The following MIB1 variants were observed in gnomAD, a reference collection of about 807,000 sequenced individuals.
MIB1 encodes the protein E3 ubiquitin-protein ligase MIB1.
A neutral mutation model predicts 124.5 loss-of-function variants in MIB1; 278 were observed. The ratio of observed to expected loss-of-function variants is 2.23; its 90% CI spans 2.02 to 2.47. The LOEUF (loss-of-function observed/expected upper bound fraction) is 2.47. Ranked by LOEUF, MIB1 falls within the 30% of genes most tolerant of loss-of-function variation. The pLI, the probability that MIB1 is intolerant of heterozygous loss-of-function variation, is 0.00. For synonymous variants in MIB1, 446 were observed against 429.4 expected (o/e 1.04, Z -0.48); for missense variants, 957 against 1,254.4 (o/e 0.76, Z 3.58).
intron 12 of MIB1, chr18:21,825,448 T>C (rs2041915993): frequency 3.3e-6 from 1 of 301,620 alleles, no homozygotes; most frequent in African/African-American, 2.3e-5. Context: ...GTTCTTTTCT[T>C]TTCTGAAGGA....
At chr18:21,779,310 T>A (rs1267601309) in intron 5 of MIB1, among the ~76,000 whole-genome samples, 171 bp from the exon 6 acceptor site, 4 of 152,144 alleles carry the variant, frequency 2.6e-5, no homozygotes, top group Admixed American at 1.3e-4. Context: ...TTTCTTTTTT[T>A]AAAAAAAGCT....
intron 14 of MIB1, 47 bp downstream of exon 14, chr18:21,843,264 AC>A (rs779103301): frequency 2.2e-6 from 3 of 1,355,870 alleles, no homozygotes; most frequent in Admixed American, 2.4e-5. Flanking sequence ...TTTTAACCAT[AC>A]AGATTTTTAG....
chr18:21,802,236 AC>A (rs779397155), intron 9 of MIB1, among the ~76,000 whole-genome samples: 34 of 152,280 alleles, frequency 2.2e-4, no homozygotes, highest in Admixed American at 1.8e-3. Context: ...ACAATGATGC[AC>A]CTTGATGTGG....
Position 21,779,644 on chromosome 18 carries a change from T to C in MIB1, c.867T>C (p.Asp289=). The change falls in exon 6 of 21, where the codon GAT becomes GAC. Residue 289 remains aspartate (D), a synonymous_variant. Coordinates refer to ENST00000261537, the MANE Select transcript of MIB1 (RefSeq NM_020774.4). ...LTTTGTVCGI[D]EDHDIVVQYP... ...CAACTGGAACTGTTTGTGGCATTGATGAAGATCATGACATTGTAGTACAGT... is the reference window on the plus strand; with the variant it reads ...CAACTGGAACTGTTTGTGGCATTGACGAAGATCATGACATTGTAGTACAGT... 1.2e-6 allele frequency: 2 copies of C among 1,614,130 alleles called. No individual in the cohort carries two copies. Among genetic ancestry groups the C allele is most frequent in the East Asian group, 4.5e-5 (2 of 44,880 alleles).
chr18:21,708,450 T>G (rs1443466212), intron 1 of MIB1, among the ~76,000 whole-genome samples: 1 of 152,106 alleles, frequency 6.6e-6, no homozygotes, highest in Non-Finnish European at 1.5e-5. Context: ...GGTCAGGAGT[T>G]CGAGACCAGC....
chr18:21,843,637 A>G (rs903579341), intron 14 of MIB1, among the ~76,000 whole-genome samples: 3 of 152,216 alleles, frequency 2.0e-5, no homozygotes. Context: ...GGCTTTCTTC[A>G]TGACCATACA....
At chr18:21,752,873 TGAG>T (rs1446596704) in intron 1 of MIB1, among the ~76,000 whole-genome samples, 1 of 152,234 alleles carries the variant, frequency 6.6e-6, no homozygotes, top group East Asian at 1.9e-4. Flanking sequence ...AAATAATAAT[TGAG>T]GAATTAAAAG....
chr18:21,836,223 A>G (rs2042030271), intron 12 of MIB1, among the ~76,000 whole-genome samples: 1 of 151,780 alleles, frequency 6.6e-6, no homozygotes, highest in Admixed American at 6.6e-5. Flanking sequence ...CACTAACTGC[A>G]CGCTAGCCTG....
chr18:21,757,668 T>C (rs1251861007), intron 1 of MIB1, among the ~76,000 whole-genome samples: 14 of 150,732 alleles, frequency 9.3e-5, no homozygotes, highest in Admixed American at 9.2e-4. Context: ...GTGTTTTTAG[T>C]AGAGACAGGG....
chr18:21,716,745 A>G (rs984524326), intron 1 of MIB1, among the ~76,000 whole-genome samples: 5 of 152,140 alleles, frequency 3.3e-5, no homozygotes, highest in African/African-American at 1.2e-4. Context: ...CCAGCCACGC[A>G]GGAGGCTGAG....
At chr18:21,780,773 A>G (rs529771640) in intron 6 of MIB1, among the ~76,000 whole-genome samples, 3 of 152,150 alleles carry the variant, frequency 2.0e-5, no homozygotes, top group Non-Finnish European at 2.9e-5. Flanking sequence ...CTTTCAATCT[A>G]TTTATGAACA....
chr18:21,721,679 A>G (rs1412958050), intron 1 of MIB1, among the ~76,000 whole-genome samples: 1 of 152,186 alleles, frequency 6.6e-6, no homozygotes, highest in Non-Finnish European at 1.5e-5. Flanking sequence ...TTCAAGAGGC[A>G]TTTGTAATAA....
intron 10 of MIB1, among the ~76,000 whole-genome samples, chr18:21,813,091 A>T (rs899141056): frequency 6.6e-6 from 1 of 151,692 alleles, no homozygotes. Flanking sequence ...TTTGGTGTTT[A>T]TTTTTATGTA....
At chr18:21,786,653 G>C (rs1291257428) in intron 6 of MIB1, among the ~76,000 whole-genome samples, 6 of 151,390 alleles carry the variant, frequency 4.0e-5, no homozygotes. Flanking sequence ...TTTCTCTTCT[G>C]TGTATTTTCA....
chr18:21,779,684 A>G lies in MIB1; in HGVS notation c.907A>G (p.Arg303Gly), dbSNP rs1392835761. ...DIVVQYPSGN[R>G]WTFNPAVLTK... ...TGTAGTACAGTATCCAAGTGGCAATAGGTGGGTGATATCTCTCAATTTTTG... is the reference window on the plus strand; with the variant it reads ...TGTAGTACAGTATCCAAGTGGCAATGGGTGGGTGATATCTCTCAATTTTTG... Residue 303 changes from arginine to glycine, a missense_variant and splice_region_variant, in exon 6 of 21, where the codon AGG becomes GGG. Transcript: ENST00000261537. 1 of 1,611,044 alleles carries G rather than the reference A, an allele frequency of 6.2e-7. No individual in the cohort carries two copies. Among genetic ancestry groups the G allele is most frequent in the Non-Finnish European group, 8.5e-7 (1 of 1,177,220 alleles).
intron 5 of MIB1, 73 bp downstream of exon 5, chr18:21,778,242 G>C: frequency 9.1e-7 from 1 of 1,104,872 alleles, no homozygotes; most frequent in East Asian, 2.4e-5. Flanking sequence ...TGCTTAAATT[G>C]GATGTTAGAA....
rs1568198987 is a variant in MIB1, at chr18:21,781,385, AT to A, written c.908+1701del. Among the ~76,000 whole-genome samples the A allele has an allele frequency of 3.6e-3, 230 of 64,778 alleles. 7 individuals are homozygous for A. Among genetic ancestry groups the A allele is most frequent in the African/African-American group, 0.013 (214 of 16,234 alleles). The allele number at this position is 64,778 out of a possible 152,430, so 42.5% of individuals were successfully genotyped here. On this transcript the variant is annotated intron_variant, in intron 6 of 20. Coordinates refer to ENST00000261537, the MANE Select transcript of MIB1 (RefSeq NM_020774.4). Reference sequence around the variant, plus strand: ...TCAAGTTATATATATATATATATATATATATATATATATATATATATATATA... The same window carrying A: ...TCAAGTTATATATATATATATATATAATATATATATATATATATATATATA...
intron 1 of MIB1, among the ~76,000 whole-genome samples, chr18:21,758,693 C>T (rs1415215206): frequency 1.3e-5 from 2 of 152,130 alleles, no homozygotes; most frequent in African/African-American, 4.8e-5. Context: ...TGCCACCACA[C>T]CCGGCTAATT....
Position 21,741,111 on chromosome 18 carries a change from G to A in MIB1, c.-473G>A, listed in dbSNP as rs1190014489. ...GAGGAGGCGGCGCCGGCGCTTGGGT[G>A]CCCGCCCCCGAGCGAGGGGCCGGGG... On this transcript the variant is annotated 5_prime_UTR_variant, in exon 1 of 21. Transcript: ENST00000261537. The surrounding 1 kb of genome is among the most constrained non-coding windows in gnomAD (Gnocchi z 5.4). Among the ~76,000 whole-genome samples the A allele has an allele frequency of 1.3e-5, 2 of 152,052 alleles. No homozygotes were observed. The highest frequency in any genetic ancestry group is 6.5e-5 in the Admixed American group (1 of 15,276).
Sources: gnomAD v4.1 joint callset for allele counts (sites outside exome capture counted in the v4.1 genomes callset) on GRCh38, gnomAD v4.1.1 for gene constraint, Gnocchi (gnomAD v3.1) non-coding constraint, MANE v1.5 for transcripts, NCBI Gene and HGNC (gene_info 2026-07-23, HGNC 2026-07-21) for gene names.